Variants in DLG1 observed in about 807,000 individuals in gnomAD.
The protein encoded by DLG1 is disks large homolog 1.
DLG1 carries 42 observed loss-of-function variants against 123.4 expected under a neutral mutation model. The ratio of observed to expected loss-of-function variants is 0.34; its 90% CI spans 0.27 to 0.44. The LOEUF (loss-of-function observed/expected upper bound fraction) is 0.44. DLG1 is among the 20% of genes least tolerant of loss of function. DLG1 has a pLI of 1.00. For synonymous variants in DLG1, 317 were observed against 356.2 expected (o/e 0.89, Z 1.24); for missense variants, 942 against 1,082.6 (o/e 0.87, Z 1.82).
intron 4 of DLG1, among the ~76,000 whole-genome samples, chr3:197,263,090 A>G (rs916416825): frequency 6.6e-6 from 1 of 152,234 alleles, no homozygotes. Flanking sequence ...ACTGAAAACA[A>G]TGGAAGTGAT....
At chr3:197,290,897 TAAAA>T (rs34807556) in intron 3 of DLG1, among the ~76,000 whole-genome samples, 6 of 87,968 alleles carry the variant, frequency 6.8e-5, no homozygotes, top group East Asian at 6.2e-4. Flanking sequence ...CTCCAAATAG[TAAAA>T]AAAAAAAAAA....
At chr3:197,065,486 A>G in intron 21 of DLG1, 38 bp from the exon 22 acceptor site, 1 of 1,316,586 alleles carries the variant, frequency 7.6e-7, no homozygotes, top group South Asian at 1.5e-5. Flanking sequence ...GTTTAATATT[A>G]AAAAAAAAAC....
intron 3 of DLG1, among the ~76,000 whole-genome samples, chr3:197,283,052 A>G (rs1770159505): frequency 1.3e-5 from 2 of 152,204 alleles, no homozygotes; most frequent in African/African-American, 4.8e-5. Flanking sequence ...TAAAATTCAT[A>G]GGCTTTTTAC....
chr3:197,057,155 AG>A (rs1732285485), intron 23 of DLG1, among the ~76,000 whole-genome samples: 1 of 152,010 alleles, frequency 6.6e-6, no homozygotes, highest in Non-Finnish European at 1.5e-5. Context: ...AGCTCACTAC[AG>A]CTTGGACAGA....
chr3:197,134,167 G>A (rs1783993120), intron 10 of DLG1, among the ~76,000 whole-genome samples: 1 of 152,118 alleles, frequency 6.6e-6, no homozygotes, highest in South Asian at 2.1e-4. Context: ...AAAGAGTGGT[G>A]ATCTTAGCTG....
At chr3:197,289,987 G>C (rs1459867500) in intron 3 of DLG1, among the ~76,000 whole-genome samples, 2 of 152,152 alleles carry the variant, frequency 1.3e-5, no homozygotes, top group Admixed American at 1.3e-4. Flanking sequence ...GCTGATTCCA[G>C]GGCTGGGGCA....
At position 197,051,134 on chromosome 3, in the gene DLG1, C is replaced by T. The variant is rs184073741; in HGVS notation, c.2575+443G>A. On this transcript the variant is annotated intron_variant, in intron 24 of 24. Transcript: ENST00000667157. Reference sequence around the variant, plus strand: ...CACCGCTGTAATCCTAGCATTTTGACAGGCTGAGGCAGGTGGATCACCTGA... The same window carrying T: ...CACCGCTGTAATCCTAGCATTTTGATAGGCTGAGGCAGGTGGATCACCTGA... Among the ~76,000 whole-genome samples, 182 of 152,256 alleles carry T rather than the reference C, an allele frequency of 1.2e-3. 1 individual carries two copies. The highest frequency in any genetic ancestry group is 4.9e-4 in the Non-Finnish European group (33 of 68,000).
intron 4 of DLG1, among the ~76,000 whole-genome samples, chr3:197,236,664 CA>C: frequency 6.6e-6 from 1 of 152,130 alleles, no homozygotes; most frequent in East Asian, 1.9e-4. Context: ...TAAAGGGGGA[CA>C]GGGGAAAGCT....
chr3:197,078,811 G>C (rs1270766845), intron 17 of DLG1, among the ~76,000 whole-genome samples: 1 of 152,020 alleles, frequency 6.6e-6, no homozygotes, highest in East Asian at 1.9e-4. Context: ...TACAACTGAT[G>C]TGTTTTTTAT....
chr3:197,065,935 C>G (rs948147882), intron 20 of DLG1, 126 bp from the exon 21 acceptor site: 6 of 577,198 alleles, frequency 1.0e-5, no homozygotes, highest in South Asian at 7.7e-5. Context: ...CTCCATCTCA[C>G]TCTACCATCA....
chr3:197,227,667 A>C (rs1349773232), intron 4 of DLG1, among the ~76,000 whole-genome samples: 1 of 152,106 alleles, frequency 6.6e-6, no homozygotes, highest in Non-Finnish European at 1.5e-5. Flanking sequence ...CTTACCACCA[A>C]CCATAACTCT....
chr3:197,280,050 T>C (rs1022162941), intron 4 of DLG1, among the ~76,000 whole-genome samples: 3 of 152,186 alleles, frequency 2.0e-5, no homozygotes, highest in Non-Finnish European at 4.4e-5. Context: ...TTGTTAACGG[T>C]AGTCACCCTA....
intron 4 of DLG1, among the ~76,000 whole-genome samples, chr3:197,275,309 T>A (rs952456738): frequency 1.3e-5 from 2 of 152,176 alleles, no homozygotes; most frequent in Non-Finnish European, 2.9e-5. Flanking sequence ...ACACTGCTGA[T>A]GGGAATATAA....
chr3:197,071,372 A>G (rs1743817940), intron 18 of DLG1, among the ~76,000 whole-genome samples: 1 of 151,494 alleles, frequency 6.6e-6, no homozygotes, highest in South Asian at 2.1e-4. Flanking sequence ...TATATAATAA[A>G]AAGTTTAAGT....
intron 18 of DLG1, among the ~76,000 whole-genome samples, chr3:197,072,822 G>C (rs537935941): frequency 1.3e-5 from 2 of 151,994 alleles, no homozygotes; most frequent in Admixed American, 6.6e-5. Context: ...CCTCCCTCCC[G>C]AGTAGCTTGG....
chr3:197,132,191 T>C (rs114484193), intron 10 of DLG1, among the ~76,000 whole-genome samples: 2,614 of 152,210 alleles, frequency 0.017, 23 homozygotes, highest in Middle Eastern at 0.068. Flanking sequence ...GTCTGTCTTC[T>C]TACATCTTTT....
chr3:197,050,904 C>T (rs564597601), intron 24 of DLG1, among the ~76,000 whole-genome samples: 2 of 152,184 alleles, frequency 1.3e-5, no homozygotes, highest in South Asian at 2.1e-4. Context: ...TGAATATATA[C>T]GAATTTTGTC....
chr3:197,276,677 T>C (rs2151095947), intron 4 of DLG1, among the ~76,000 whole-genome samples: 1 of 152,140 alleles, frequency 6.6e-6, no homozygotes, highest in East Asian at 1.9e-4. Flanking sequence ...TTTTCATATA[T>C]GTGACAAATT....
chr3:197,203,777 T>C, intron 4 of DLG1, among the ~76,000 whole-genome samples: 1 of 152,222 alleles, frequency 6.6e-6, no homozygotes, highest in South Asian at 2.1e-4. Context: ...AAATGGCCTC[T>C]GTCAGGGAAA....
Sources: allele counts gnomAD v4.1 joint callset (sites outside exome capture counted in the v4.1 genomes callset), GRCh38; gene constraint gnomAD v4.1.1; transcripts MANE v1.5; gene names NCBI Gene and HGNC (gene_info 2026-07-23, HGNC 2026-07-21).